AK5: variants seen among roughly 807,000 people sequenced by gnomAD.
AK5 encodes the protein adenylate kinase isoenzyme 5.
In AK5, 27 loss-of-function variants were observed where a neutral mutation model predicts 69.5. The ratio of observed to expected loss-of-function variants is 0.39; its 90% CI spans 0.29 to 0.54. AK5 has a LOEUF of 0.54. Ranked by LOEUF, AK5 falls within the 20% of genes least tolerant of loss-of-function variation. AK5 has a pLI of 0.71. For missense variants in AK5, 531 were observed against 700.4 expected (o/e 0.76, Z 2.73); for synonymous variants, 260 against 244.4 (o/e 1.06, Z -0.60).
intron 6 of AK5, among the ~76,000 whole-genome samples, chr1:77,394,129 G>C (rs1039164635): frequency 1.3e-5 from 2 of 151,884 alleles, no homozygotes; most frequent in East Asian, 3.9e-4. Flanking sequence ...GCAGGAGAAT[G>C]GAGTGAACCC....
In AK5 at chr1:77,377,048, A is replaced by G. The variant is rs79518479; in HGVS notation, c.892-33933A>G. Among the ~76,000 whole-genome samples, 49 of 152,346 alleles carry G rather than the reference A, an allele frequency of 3.2e-4. 2 individuals carry two copies. The East Asian group carries it at 9.1e-3, about 28-fold the overall frequency. ...CTACTTGAATACTTAAATAAATATG[A>G]CAATAATTTGCCCCAGCAGTACGAA... is the stretch of plus-strand genomic sequence containing the variant. On this transcript the variant is annotated intron_variant, in intron 6 of 13. Coordinates refer to ENST00000354567, the MANE Select transcript of AK5 (RefSeq NM_174858.3).
chr1:77,415,749 C>G (rs901930786), intron 7 of AK5, among the ~76,000 whole-genome samples: 1 of 152,132 alleles, frequency 6.6e-6, no homozygotes, highest in African/African-American at 2.4e-5. Context: ...AGCACTGTAG[C>G]GAAAGAGGGT....
In AK5 at chr1:77,336,637, G is replaced by A. The variant is rs564867768; in HGVS notation, c.700-3740G>A. ...TAATATTCTGTGGTTTTTTTTGTGT[G>A]TGTGTACTTACTATTGCCAGTGAGT... is the stretch of plus-strand genomic sequence containing the variant. On this transcript the variant is annotated intron_variant, in intron 5 of 13. Transcript: ENST00000354567. Among the ~76,000 whole-genome samples, 6 of 152,098 alleles carry A rather than the reference G, an allele frequency of 3.9e-5. No individual in the cohort carries two copies. The South Asian group carries it at 6.2e-4, about 16-fold the overall frequency.
intron 6 of AK5, among the ~76,000 whole-genome samples, chr1:77,374,418 CT>C (rs34141642): frequency 0.12 from 16,745 of 138,654 alleles, 1,031 homozygotes; most frequent in Middle Eastern, 0.15. Context: ...TGAGGTAATG[CT>C]TTTTTTTTTT....
intron 10 of AK5, among the ~76,000 whole-genome samples, chr1:77,486,614 T>C (rs12404245): frequency 0.077 from 11,537 of 150,468 alleles, 609 homozygotes; most frequent in South Asian, 0.12. Flanking sequence ...AGGAGAATGG[T>C]GTGAACCCGG....
At chr1:77,481,024 T>C (rs1042601814) in intron 8 of AK5, among the ~76,000 whole-genome samples, 1 of 152,214 alleles carries the variant, frequency 6.6e-6, no homozygotes, top group Non-Finnish European at 1.5e-5. Flanking sequence ...GGGCTCAGCT[T>C]GCACCATGGA....
Position 77,379,073 on chromosome 1 carries a change from G to A in AK5, c.892-31908G>A, listed in dbSNP as rs530335164. ...TGCTCCCCAGGCCCACAGTTTTGTG[G>A]CCAGAACCTGTCATGTGTTCTTTGA... On this transcript the variant is annotated intron_variant, in intron 6 of 13. Coordinates refer to ENST00000354567, the MANE Select transcript of AK5 (RefSeq NM_174858.3). Among the ~76,000 whole-genome samples, 282 of 152,286 alleles carry A rather than the reference G, an allele frequency of 1.9e-3. 1 individual carries two copies. Among genetic ancestry groups the A allele is most frequent in the Non-Finnish European group, 2.5e-3 (169 of 68,020 alleles).
chr1:77,518,244 C>T (rs1034574817), intron 10 of AK5, among the ~76,000 whole-genome samples: 11 of 152,140 alleles, frequency 7.2e-5, no homozygotes, highest in African/African-American at 2.2e-4. Flanking sequence ...TCCTCTGTGC[C>T]CCGATAGTAG....
rs184904875 is a variant in AK5, at chr1:77,486,661, G to A, written c.1147+309G>A. 3.6e-3 allele frequency among the ~76,000 whole-genome samples: 548 copies of A among 150,776 alleles called. 1 individual carries two copies. The highest frequency in any genetic ancestry group is 0.013 in the African/African-American group (533 of 41,030). ...TGCAGTGAGCCGAGATCGCGCCACT[G>A]CACTCCACCTGGGTGACAGAGCAAG... On this transcript the variant is annotated intron_variant, in intron 10 of 13. Coordinates refer to ENST00000354567, the MANE Select transcript of AK5 (RefSeq NM_174858.3).
At chr1:77,346,178 C>T (rs958783192) in intron 6 of AK5, 1 of 152,254 alleles carries the variant, frequency 6.6e-6, no homozygotes, top group Non-Finnish European at 1.5e-5. Context: ...GCTTCTGTCT[C>T]AGAGTGGCAG....
intron 2 of AK5, among the ~76,000 whole-genome samples, chr1:77,287,608 T>A (rs1658433083): frequency 6.6e-6 from 1 of 152,200 alleles, no homozygotes; most frequent in Non-Finnish European, 1.5e-5. Context: ...AAAGAAAAAC[T>A]TCAGCCAAGT....
chr1:77,536,267 C>G (rs1210745284), intron 13 of AK5, among the ~76,000 whole-genome samples: 4 of 152,076 alleles, frequency 2.6e-5, no homozygotes, highest in Non-Finnish European at 2.9e-5. Flanking sequence ...TCAAGACCAG[C>G]CTAAGCAACA....
chr1:77,444,416 GTA>G (rs1404205198), intron 8 of AK5, among the ~76,000 whole-genome samples: 1 of 54,344 alleles, frequency 1.8e-5, no homozygotes, highest in Non-Finnish European at 3.2e-5. Context: ...ACTATATATA[GTA>G]TATACATAGT....
chr1:77,373,621 G>A (rs955291835), intron 6 of AK5, among the ~76,000 whole-genome samples: 15 of 152,074 alleles, frequency 9.9e-5, no homozygotes, highest in African/African-American at 3.6e-4. Context: ...AGCTACTCGG[G>A]AGGCTGAGGC....
chr1:77,517,254 A>G (rs1557649144), intron 10 of AK5, among the ~76,000 whole-genome samples: 2 of 152,136 alleles, frequency 1.3e-5, no homozygotes, highest in Admixed American at 1.3e-4. Flanking sequence ...TCCTGCTAGC[A>G]AGTCTGTGGG....
chr1:77,492,836 A>G (rs1656078095), intron 10 of AK5, among the ~76,000 whole-genome samples: 1 of 152,214 alleles, frequency 6.6e-6, no homozygotes, highest in African/African-American at 2.4e-5. Flanking sequence ...GAGGGGGTAC[A>G]GCCTAGGGGA....
At position 77,529,953 on chromosome 1, in the gene AK5, G is replaced by A. The variant is rs574578061; in HGVS notation, c.1429-5894G>A. ...TAGCCAGAATATGTACATAACTCTC[G>A]TGGAGGTGGGAATGATGGCTTCACA... On this transcript the variant is annotated intron_variant, in intron 12 of 13. Coordinates refer to ENST00000354567, the MANE Select transcript of AK5 (RefSeq NM_174858.3). Among the ~76,000 whole-genome samples the A allele has an allele frequency of 3.3e-5, 5 of 152,308 alleles. 1 individual carries two copies. The highest frequency in any genetic ancestry group is 9.6e-5 in the African/African-American group (4 of 41,564).
At chr1:77,417,206 A>T (rs541268967) in intron 7 of AK5, among the ~76,000 whole-genome samples, 10 of 152,160 alleles carry the variant, frequency 6.6e-5, no homozygotes, top group African/African-American at 2.2e-4. Flanking sequence ...TACTTTGCTC[A>T]TGGTGTTCCT....
Position 77,483,030 on chromosome 1 carries a change from A to T in AK5, c.1060-287A>T, listed in dbSNP as rs867833842. Among the ~76,000 whole-genome samples, 485 of 91,462 alleles carry T rather than the reference A, an allele frequency of 5.3e-3. 6 individuals carry two copies. Among genetic ancestry groups the T allele is most frequent in the African/African-American group, 0.019 (472 of 24,980 alleles). The allele number at this position is 91,462 out of a possible 152,430, so 60.0% of individuals were successfully genotyped here. ...AAAAAAAAAAAAAAAAAAAAAAAAAAAAAAAAAAAAGAGGTGAGATACTGT... is the reference window on the plus strand; with the variant it reads ...AAAAAAAAAAAAAAAAAAAAAAAAATAAAAAAAAAAGAGGTGAGATACTGT... On this transcript the variant is annotated intron_variant, in intron 8 of 13. Transcript: ENST00000354567.
Sources: gnomAD v4.1 joint callset for allele counts (sites outside exome capture counted in the v4.1 genomes callset) on GRCh38, gnomAD v4.1.1 for gene constraint, MANE v1.5 for transcripts, NCBI Gene and HGNC (gene_info 2026-07-23, HGNC 2026-07-21) for gene names.